The following CHIC2 variants were observed in gnomAD, a reference collection of about 807,000 sequenced individuals.
CHIC2 encodes the protein cysteine-rich hydrophobic domain-containing protein 2.
A neutral mutation model predicts 25.9 loss-of-function variants in CHIC2; 14 were observed. That is an observed-to-expected ratio of 0.54 (90% confidence interval 0.36 to 0.85). CHIC2 has a LOEUF of 0.85. CHIC2 is among the 40% of genes least tolerant of loss of function. The pLI is 0.01. For missense variants in CHIC2, 146 were observed against 202.0 expected (o/e 0.72, Z 1.68); for synonymous variants, 70 against 72.0 (o/e 0.97, Z 0.14).
chr4:54,048,791 G>T, intron 3 of CHIC2, 164 bp downstream of exon 3: 1 of 508,406 alleles, frequency 2.0e-6, no homozygotes, highest in Non-Finnish European at 3.3e-6. Flanking sequence ...AACAGCACTT[G>T]GATATATAGT....
intron 3 of CHIC2, among the ~76,000 whole-genome samples, chr4:54,043,891 GC>G (rs1716678245): frequency 6.6e-6 from 1 of 152,186 alleles, no homozygotes; most frequent in Non-Finnish European, 1.5e-5. Context: ...CCATCAGTGT[GC>G]TGTATTCAGG....
chr4:54,087,191 ACCAGCAAAGCAC>A, the CHIC2 span: 1 of 698,594 alleles, frequency 1.4e-6, no homozygotes, highest in African/African-American at 1.8e-5. Context: ...TGGGGGCAGT[ACCAGCAAAGCAC>A]CTCAGACCCC....
At chr4:54,078,509 GATTT>G in the CHIC2 span, among the ~76,000 whole-genome samples, 3 of 151,942 alleles carry the variant, frequency 2.0e-5, no homozygotes, top group East Asian at 1.9e-4. Context: ...GATCTCTCAT[GATTT>G]ATTTATTTAT....
chr4:54,069,396 G>A (rs1392556597), upstream of CHIC2, among the ~76,000 whole-genome samples: 1 of 152,252 alleles, frequency 6.6e-6, no homozygotes, highest in African/African-American at 2.4e-5. Flanking sequence ...AGGTCTGGAA[G>A]GGTCTTGGGT....
At chr4:54,053,292 C>T (rs904213515) in intron 1 of CHIC2, among the ~76,000 whole-genome samples, 3 of 152,166 alleles carry the variant, frequency 2.0e-5, no homozygotes, top group African/African-American at 4.8e-5. Flanking sequence ...TGTGGTGGCT[C>T]ACACCTGTGA....
At position 54,064,409 on chromosome 4, in the gene CHIC2, TC is replaced by T; in HGVS notation, c.-110del. The stretch of plus-strand genomic sequence containing the variant: ...GAGGGGAGTCGCCGCTGCCGCCGGC[TC>T]CGAGGCCGCGGAGTTCGCTGTCGGC... On this transcript the variant is annotated 5_prime_UTR_variant, in exon 1 of 6. Transcript: ENST00000263921. The surrounding 1 kb of genome is among the most constrained non-coding windows in gnomAD (Gnocchi z 4.2). 6.5e-7 allele frequency: 1 copy of T among 1,537,906 alleles called. No homozygotes were observed. Among genetic ancestry groups the T allele is most frequent in the Non-Finnish European group, 8.7e-7 (1 of 1,144,714 alleles).
chr4:54,087,081 C>T, the CHIC2 span: 1 of 1,073,180 alleles, frequency 9.3e-7, no homozygotes, highest in South Asian at 1.2e-5. Flanking sequence ...TGAACCACCT[C>T]TCTCAGGAAG....
chr4:54,055,618 G>C (rs767420890), intron 1 of CHIC2, among the ~76,000 whole-genome samples: 2 of 152,198 alleles, frequency 1.3e-5, no homozygotes, highest in East Asian at 1.9e-4. Flanking sequence ...CAAGACCTAT[G>C]AGCATATGAA....
At chr4:54,027,431 T>C (rs1451754025) in intron 3 of CHIC2, among the ~76,000 whole-genome samples, 1 of 152,206 alleles carries the variant, frequency 6.6e-6, no homozygotes, top group Non-Finnish European at 1.5e-5. Flanking sequence ...AAATTGTCAC[T>C]AGTGTTCATA....
intron 5 of CHIC2, among the ~76,000 whole-genome samples, chr4:54,012,468 G>C (rs1715624739): frequency 6.6e-6 from 1 of 152,056 alleles, no homozygotes; most frequent in African/African-American, 2.4e-5. Context: ...GGAATTCATA[G>C]CATTGGGATA....
At chr4:54,040,051 A>G (rs1311063326) in intron 3 of CHIC2, among the ~76,000 whole-genome samples, 1 of 152,184 alleles carries the variant, frequency 6.6e-6, no homozygotes. Context: ...CGAGGGTTCA[A>G]CTACAGAGGT....
At chr4:54,051,395 T>C (rs750324029) in intron 1 of CHIC2, among the ~76,000 whole-genome samples, 3 of 152,064 alleles carry the variant, frequency 2.0e-5, no homozygotes, top group Non-Finnish European at 4.4e-5. Flanking sequence ...ATATATAACA[T>C]ACATATCTTA....
intron 3 of CHIC2, among the ~76,000 whole-genome samples, chr4:54,044,250 A>G (rs1364899723): frequency 6.6e-6 from 1 of 152,200 alleles, no homozygotes; most frequent in Admixed American, 6.5e-5. Context: ...AACAAGACAG[A>G]AAGTTAACAA....
At chr4:54,012,867 G>A (rs1159589609) in intron 5 of CHIC2, among the ~76,000 whole-genome samples, 1 of 152,040 alleles carries the variant, frequency 6.6e-6, no homozygotes, top group African/African-American at 2.4e-5. Context: ...TTGACTGTGG[G>A]ATAATGAAAG....
chr4:54,059,484 T>G (rs962508241), intron 1 of CHIC2: 2 of 151,612 alleles, frequency 1.3e-5, no homozygotes. Flanking sequence ...AAGGCCACAG[T>G]AGGCTGTGAT....
chr4:54,087,205 TCAGACCCCAGG>T, the CHIC2 span: 1 of 667,992 alleles, frequency 1.5e-6, no homozygotes, highest in African/African-American at 1.8e-5. Context: ...GCAAAGCACC[TCAGACCCCAGG>T]GAAGGAAAGA....
chr4:54,012,567 G>A (rs1457133805), intron 5 of CHIC2, among the ~76,000 whole-genome samples: 1 of 151,976 alleles, frequency 6.6e-6, no homozygotes, highest in African/African-American at 2.4e-5. Context: ...TGTTATAAAT[G>A]TAGTAAATAT....
intron 3 of CHIC2, among the ~76,000 whole-genome samples, chr4:54,027,952 T>G (rs1189754526): frequency 6.6e-6 from 1 of 152,214 alleles, no homozygotes; most frequent in African/African-American, 2.4e-5. Flanking sequence ...ATATATCAAC[T>G]CTTGGTTGTC....
chr4:54,048,853 C>G, intron 3 of CHIC2, 102 bp downstream of exon 3: 1 of 925,826 alleles, frequency 1.1e-6, no homozygotes, highest in African/African-American at 1.7e-5. Context: ...ATATTTTATT[C>G]AGGATAGTGT....
Sources: allele counts gnomAD v4.1 joint callset (sites outside exome capture counted in the v4.1 genomes callset), GRCh38; gene constraint gnomAD v4.1.1; non-coding constraint Gnocchi (gnomAD v3.1); transcripts MANE v1.5; gene names NCBI Gene and HGNC (gene_info 2026-07-23, HGNC 2026-07-21).